KITLG: variants seen among roughly 807,000 people sequenced by gnomAD.
KITLG encodes the protein c-Kit ligand.
In KITLG, 13 loss-of-function variants were observed where a neutral mutation model predicts 34.1. That is an observed-to-expected ratio of 0.38 (90% CI 0.25 to 0.61). KITLG has a LOEUF of 0.61. Among genes scored for constraint, KITLG ranks in the 20% least tolerant of loss-of-function variants. KITLG has a pLI of 0.60. For missense variants in KITLG, 292 were observed against 318.9 expected (o/e 0.92, Z 0.64); for synonymous variants, 110 against 104.0 (o/e 1.06, Z -0.35).
At chr12:88,531,456 T>G (rs958656205) in intron 3 of KITLG, among the ~76,000 whole-genome samples, 1 of 152,220 alleles carries the variant, frequency 6.6e-6, no homozygotes, top group African/African-American at 2.4e-5. Context: ...TGATAAGCTC[T>G]GTGATAGGTA....
chr12:88,522,410 G>A (rs1869703186), intron 3 of KITLG, among the ~76,000 whole-genome samples: 1 of 147,146 alleles, frequency 6.8e-6, no homozygotes, highest in African/African-American at 2.5e-5. Flanking sequence ...TTCCACATTG[G>A]TATTAGATGC....
intron 1 of KITLG, among the ~76,000 whole-genome samples, chr12:88,579,654 C>T (rs1482057231): frequency 6.6e-6 from 1 of 152,130 alleles, no homozygotes; most frequent in Non-Finnish European, 1.5e-5. Context: ...CTCTTTAGAG[C>T]CCACACAGAG....
At chr12:88,540,111 G>GTCCA (rs1870470989) in intron 2 of KITLG, among the ~76,000 whole-genome samples, 1 of 152,062 alleles carries the variant, frequency 6.6e-6, no homozygotes, top group Non-Finnish European at 1.5e-5. Flanking sequence ...TTATGATGAT[G>GTCCA]ATTCCAATTA....
intron 1 of KITLG, among the ~76,000 whole-genome samples, chr12:88,574,063 T>C (rs1871744181): frequency 1.1e-5 from 1 of 91,370 alleles, no homozygotes; most frequent in Admixed American, 1.5e-4. Flanking sequence ...TAGCCATTGC[T>C]ACTTTTTTTT....
In KITLG at chr12:88,516,483, T is replaced by C. The variant is rs1263690103; in HGVS notation, c.371A>G (p.Lys124Arg). 2.5e-6 allele frequency: 4 copies of C among 1,599,652 alleles called. No homozygotes were observed. The highest frequency in any genetic ancestry group is 3.4e-6 in the Non-Finnish European group (4 of 1,173,176). Residue 124 changes from lysine to arginine, a missense_variant, in exon 5 of 10, where the codon AAA (lysine) becomes AGA (arginine). Physicochemically the swap from Lys to Arg is conservative, Grantham distance 26 (BLOSUM62 2). Transcript: ENST00000644744. ...CVKENSSKDL[K>R]KSFKSPEPRL... ...GGGTTCTGGGCTCTTGAATGATTTTTTTAGATCCTAGAAGAAAAAATAGGA... is the reference window on the plus strand; with the variant it reads ...GGGTTCTGGGCTCTTGAATGATTTTCTTAGATCCTAGAAGAAAAAATAGGA...
At chr12:88,538,976 G>T (rs533559106) in intron 2 of KITLG, among the ~76,000 whole-genome samples, 1 of 152,134 alleles carries the variant, frequency 6.6e-6, no homozygotes, top group Non-Finnish European at 1.5e-5. Context: ...AGTGACACTG[G>T]AAAAACATCC....
At chr12:88,553,713 T>C (rs1461273713) in intron 1 of KITLG, among the ~76,000 whole-genome samples, 1 of 152,090 alleles carries the variant, frequency 6.6e-6, no homozygotes, top group African/African-American at 2.4e-5. Context: ...CTTCAAATCA[T>C]TTACATGATT....
intron 9 of KITLG, among the ~76,000 whole-genome samples, chr12:88,499,388 C>T (rs1868767319): frequency 6.6e-6 from 1 of 152,224 alleles, no homozygotes; most frequent in Non-Finnish European, 1.5e-5. Flanking sequence ...GATTTATTTT[C>T]TTCCCCCTTA....
intron 2 of KITLG, chr12:88,534,548 G>C (rs1010724182): frequency 2.6e-6 from 1 of 382,086 alleles, no homozygotes; most frequent in Non-Finnish European, 5.0e-6. Flanking sequence ...TGTATTTTTA[G>C]CAGAGACGGG....
chr12:88,549,019 C>T (rs1870808556), intron 1 of KITLG, among the ~76,000 whole-genome samples: 1 of 152,138 alleles, frequency 6.6e-6, no homozygotes, highest in Non-Finnish European at 1.5e-5. Flanking sequence ...AAAGATTGGA[C>T]AAAGCTAAGG....
At chr12:88,501,030 T>G (rs2120786782) in intron 9 of KITLG, among the ~76,000 whole-genome samples, 1 of 152,242 alleles carries the variant, frequency 6.6e-6, no homozygotes, top group South Asian at 2.1e-4. Context: ...TCCTCCCACC[T>G]CAGCCCCCCA....
At chr12:88,498,839 A>T (rs1868741789) in intron 9 of KITLG, among the ~76,000 whole-genome samples, 2 of 148,310 alleles carry the variant, frequency 1.3e-5, no homozygotes, top group African/African-American at 4.8e-5. Context: ...ACGCCACTGC[A>T]CTCCAGCCTG....
chr12:88,505,270 T>C (rs1186106121), intron 8 of KITLG, 35 bp from the exon 9 acceptor site: 1 of 1,544,872 alleles, frequency 6.5e-7, no homozygotes, highest in East Asian at 2.3e-5. Flanking sequence ...TTATTTGCTC[T>C]TGGTCAGAGA....
At chr12:88,558,220 G>C (rs990043354) in intron 1 of KITLG, among the ~76,000 whole-genome samples, 1 of 151,846 alleles carries the variant, frequency 6.6e-6, no homozygotes, top group Non-Finnish European at 1.5e-5. Context: ...CTGAAAATCT[G>C]ACAAGTTTAG....
intron 3 of KITLG, among the ~76,000 whole-genome samples, chr12:88,520,481 C>T (rs975972206): frequency 2.0e-5 from 3 of 152,112 alleles, no homozygotes; most frequent in Non-Finnish European, 2.9e-5. Context: ...CAATTCATTC[C>T]GTTGAAATTG....
chr12:88,505,169 A>T lies in KITLG; in HGVS notation c.*27T>A. 6.4e-7 allele frequency: 1 copy of T among 1,566,100 alleles called. No homozygotes were observed. The highest frequency in any genetic ancestry group is 8.8e-7 in the Non-Finnish European group (1 of 1,137,544). On this transcript the variant is annotated 3_prime_UTR_variant, in exon 9 of 10. Transcript: ENST00000644744. The stretch of plus-strand genomic sequence containing the variant: ...AAGAAAAAAACTTACCAATGTACGA[A>T]AGTAACAGTGTTGATACAAGCCACA...
chr12:88,526,900 G>A (rs1446341953), intron 3 of KITLG, among the ~76,000 whole-genome samples: 11 of 127,102 alleles, frequency 8.7e-5, no homozygotes, highest in Non-Finnish European at 1.4e-4. Context: ...ACGGAGTCTC[G>A]CTCTGTCACC....
intron 8 of KITLG, among the ~76,000 whole-genome samples, chr12:88,506,071 C>A (rs183550144): frequency 6.6e-6 from 1 of 152,242 alleles, no homozygotes; most frequent in Admixed American, 6.5e-5. Context: ...GCAGAGGTAA[C>A]CCCTTTACAA....
chr12:88,501,749 C>T (rs969747592), intron 9 of KITLG, among the ~76,000 whole-genome samples: 6 of 152,144 alleles, frequency 3.9e-5, no homozygotes, highest in African/African-American at 1.4e-4. Flanking sequence ...TACTCATAGA[C>T]ACATACAAGT....
Sources: allele counts gnomAD v4.1 joint callset (sites outside exome capture counted in the v4.1 genomes callset), GRCh38; gene constraint gnomAD v4.1.1; transcripts MANE v1.5; gene names NCBI Gene and HGNC (gene_info 2026-07-23, HGNC 2026-07-21).